The following SUN3 variants were observed in gnomAD, a reference collection of about 807,000 sequenced individuals.
The protein encoded by SUN3 is Sad1 and UNC84 domain containing 3, also known as SUN domain-containing protein 3.
A neutral mutation model predicts 48.2 loss-of-function variants in SUN3; 36 were observed. That is an observed-to-expected ratio of 0.75 (90% CI 0.57 to 0.99). SUN3 has a LOEUF of 0.99. SUN3 is among the 50% of genes least tolerant of loss of function. The pLI is 0.00. For missense variants in SUN3, 419 were observed against 433.1 expected, an observed-to-expected ratio of 0.97 and a Z score of 0.29; for synonymous variants, 148 against 147.9, an observed-to-expected ratio of 1.00 and a Z score of 0.00.
At chr7:48,035,650 A>T in the SUN3 span, 7 of 661,530 alleles carry the variant, frequency 1.1e-5, no homozygotes, top group Non-Finnish European at 1.9e-5. This position sits in a 1 kb window ranked among gnomAD's most constrained non-coding sequence, Gnocchi z 4.0. Flanking sequence ...AGCGGGCTGG[A>T]GGACAATGGG....
intron 6 of SUN3, among the ~76,000 whole-genome samples, chr7:48,005,092 G>A (rs1009701714): frequency 6.6e-6 from 1 of 152,158 alleles, no homozygotes; most frequent in African/African-American, 2.4e-5. Flanking sequence ...CAAAATGGAA[G>A]TTGTAAATAC....
At chr7:48,031,228 T>C (rs1212360081), upstream of SUN3, among the ~76,000 whole-genome samples, 2 of 152,204 alleles carry the variant, frequency 1.3e-5, no homozygotes, top group Non-Finnish European at 2.9e-5. Flanking sequence ...AGGTCCTAAA[T>C]AGACATTTTT....
intron 6 of SUN3, among the ~76,000 whole-genome samples, chr7:48,004,593 CA>C (rs2128775512): frequency 6.6e-6 from 1 of 152,354 alleles, no homozygotes; most frequent in African/African-American, 2.4e-5. Flanking sequence ...CGCAAACAGA[CA>C]GGGGAGCAGG....
intron 9 of SUN3, among the ~76,000 whole-genome samples, chr7:47,988,242 C>T (rs1788954977): frequency 6.6e-6 from 1 of 152,170 alleles, no homozygotes; most frequent in African/African-American, 2.4e-5. Flanking sequence ...TCTTCTACAT[C>T]TCTTCAGTTA....
At chr7:48,016,491 T>C (rs569099204) in intron 3 of SUN3, among the ~76,000 whole-genome samples, 137 of 152,252 alleles carry the variant, frequency 9.0e-4, no homozygotes, top group African/African-American at 3.2e-3. Flanking sequence ...TTTCTGAGCA[T>C]AGAATGGACA....
chr7:48,001,522 GT>G lies in SUN3; in HGVS notation c.577+4446del, dbSNP rs1286421253. 3.7e-3 allele frequency among the ~76,000 whole-genome samples: 454 copies of G among 121,940 alleles called. 14 individuals carry two copies. The highest frequency in any genetic ancestry group is 0.013 in the African/African-American group (416 of 31,592). The allele number at this position is 121,940 out of a possible 152,430, so 80.0% of individuals were successfully genotyped here. ...TTTAGGTTGGTTCCATGTCTTTTCTGTTTTTTTTGTTTTTTTTTTTTTTTTT... is the reference window on the plus strand; with the variant it reads ...TTTAGGTTGGTTCCATGTCTTTTCTGTTTTTTTGTTTTTTTTTTTTTTTTT... On this transcript the variant is annotated intron_variant, in intron 6 of 9. Transcript: ENST00000297325.
intron 3 of SUN3, among the ~76,000 whole-genome samples, chr7:48,010,433 G>A (rs549059832): frequency 6.6e-6 from 1 of 152,196 alleles, no homozygotes; most frequent in South Asian, 2.1e-4. Context: ...CTTTACATCT[G>A]GAACTCCCCT....
At chr7:47,988,139 C>A (rs753048907) in intron 9 of SUN3, among the ~76,000 whole-genome samples, 1 of 152,158 alleles carries the variant, frequency 6.6e-6, no homozygotes, top group African/African-American at 2.4e-5. Context: ...CAAATATGCT[C>A]ATTTCTAACA....
At chr7:48,005,870 A>G in intron 6 of SUN3, 99 bp downstream of exon 6, 2 of 545,534 alleles carry the variant, frequency 3.7e-6, no homozygotes, top group Non-Finnish European at 6.3e-6. Context: ...AAGTTACCAG[A>G]TAAATATGTT....
At chr7:47,990,416 C>T (rs1205068200) in intron 8 of SUN3, among the ~76,000 whole-genome samples, 1 of 152,154 alleles carries the variant, frequency 6.6e-6, no homozygotes, top group Non-Finnish European at 1.5e-5. Flanking sequence ...ACCCTATTGT[C>T]CTGCCACATC....
chr7:48,001,652 G>A (rs182032988), intron 6 of SUN3, among the ~76,000 whole-genome samples: 3,794 of 149,800 alleles, frequency 0.025, 153 homozygotes, highest in African/African-American at 0.088. Context: ...TCCTGCCTCA[G>A]CCTCCTGAGT....
At chr7:48,035,707 G>C in the SUN3 span, 7 of 589,072 alleles carry the variant, frequency 1.2e-5, no homozygotes, top group Admixed American at 2.0e-4. The surrounding 1 kb of genome is among the most constrained non-coding windows in gnomAD (Gnocchi z 4.0). Flanking sequence ...GGAGCTCGCA[G>C]TGCGGGCAGT....
At chr7:48,005,863 T>A (rs1260872699) in intron 6 of SUN3, 106 bp downstream of exon 6, 28 of 490,374 alleles carry the variant, frequency 5.7e-5, no homozygotes, top group Non-Finnish European at 7.2e-6. Flanking sequence ...CCCCCCCAAG[T>A]TACCAGATAA....
chr7:47,992,045 C>T (rs1421207008), intron 8 of SUN3, among the ~76,000 whole-genome samples: 2 of 152,152 alleles, frequency 1.3e-5, no homozygotes, highest in Non-Finnish European at 2.9e-5. Flanking sequence ...GTGGGCCAGG[C>T]TGGCACCTCC....
chr7:47,993,178 G>A (rs1789114189), intron 8 of SUN3, among the ~76,000 whole-genome samples: 2 of 152,218 alleles, frequency 1.3e-5, no homozygotes. Context: ...ACTGAGAGCT[G>A]TTTTGTTCAC....
At chr7:47,992,451 T>C (rs1789093858) in intron 8 of SUN3, among the ~76,000 whole-genome samples, 1 of 152,148 alleles carries the variant, frequency 6.6e-6, no homozygotes, top group Non-Finnish European at 1.5e-5. Context: ...TCTCAGAAAG[T>C]ATAATCATGA....
chr7:47,989,887 A>G (rs1789002824), intron 8 of SUN3, among the ~76,000 whole-genome samples: 1 of 152,232 alleles, frequency 6.6e-6, no homozygotes, highest in East Asian at 1.9e-4. Flanking sequence ...GTGCTTTGTC[A>G]AACAAATGCT....
intron 8 of SUN3, among the ~76,000 whole-genome samples, chr7:47,990,252 G>A (rs1789016999): frequency 6.6e-6 from 1 of 152,204 alleles, no homozygotes; most frequent in Non-Finnish European, 1.5e-5. Context: ...AACCGCCTTA[G>A]GGCTGGAGGT....
upstream of SUN3, among the ~76,000 whole-genome samples, chr7:48,033,750 TA>T (rs953375192): frequency 9.4e-5 from 14 of 148,488 alleles, no homozygotes; most frequent in South Asian, 2.1e-4. Flanking sequence ...TATGATCAAT[TA>T]AAAAAAAAAG....
Sources: gnomAD v4.1 joint callset for allele counts (sites outside exome capture counted in the v4.1 genomes callset) on GRCh38, gnomAD v4.1.1 for gene constraint, Gnocchi (gnomAD v3.1) non-coding constraint, MANE v1.5 for transcripts, NCBI Gene and HGNC (gene_info 2026-07-23, HGNC 2026-07-21) for gene names.